The following SLC44A1 variants were observed in gnomAD, a reference collection of about 807,000 sequenced individuals.
The protein encoded by SLC44A1 is choline transporter-like protein 1.
Under a neutral mutation model 79.3 loss-of-function variants are expected in SLC44A1, and 26 were observed. The ratio of observed to expected loss-of-function variants is 0.33; its 90% CI spans 0.24 to 0.46. SLC44A1 has a LOEUF of 0.46. Among genes scored for constraint, SLC44A1 ranks in the 20% least tolerant of loss-of-function variants. The pLI is 1.00. For missense variants in SLC44A1, 688 were observed against 798.1 expected, an observed-to-expected ratio of 0.86 and a Z score of 1.66; for synonymous variants, 263 against 286.2, an observed-to-expected ratio of 0.92 and a Z score of 0.82.
chr9:105,295,425 A>T (rs2131280366), intron 1 of SLC44A1, among the ~76,000 whole-genome samples: 1 of 152,368 alleles, frequency 6.6e-6, no homozygotes, highest in East Asian at 1.9e-4. Flanking sequence ...CACATTTAAA[A>T]AGTGCTGTTG....
chr9:105,407,212 T>G (rs34412410), intron 15 of SLC44A1, among the ~76,000 whole-genome samples: 4,365 of 152,132 alleles, frequency 0.029, 76 homozygotes, highest in African/African-American at 0.051. Flanking sequence ...AGAAAGAATA[T>G]TTGAAGAAAT....
chr9:105,328,870 CCT>C (rs544020499), intron 3 of SLC44A1, among the ~76,000 whole-genome samples: 4 of 152,160 alleles, frequency 2.6e-5, no homozygotes, highest in Non-Finnish European at 5.9e-5. Context: ...AAGGCACACC[CCT>C]GTCAGCAACC....
chr9:105,366,081 A>G (rs1036195002), intron 11 of SLC44A1, among the ~76,000 whole-genome samples: 2 of 151,768 alleles, frequency 1.3e-5, no homozygotes. Flanking sequence ...TGTGTTTGGT[A>G]TTTTTTTTCT....
intron 1 of SLC44A1, among the ~76,000 whole-genome samples, chr9:105,270,485 C>G (rs1364629965): frequency 1.3e-5 from 2 of 152,278 alleles, no homozygotes; most frequent in South Asian, 4.1e-4. Context: ...CTCTACCTTA[C>G]TCTGGCTCTG....
At chr9:105,342,285 C>G (rs1827117722) in intron 4 of SLC44A1, among the ~76,000 whole-genome samples, 1 of 152,154 alleles carries the variant, frequency 6.6e-6, no homozygotes. Flanking sequence ...GGACCTGCCC[C>G]ATCCCACCCA....
At chr9:105,377,277 A>G (rs1828318678) in intron 13 of SLC44A1, among the ~76,000 whole-genome samples, 2 of 152,204 alleles carry the variant, frequency 1.3e-5, no homozygotes, top group Non-Finnish European at 2.9e-5. Context: ...GAGTAAAACT[A>G]CTGGGCTTTA....
At chr9:105,255,952 TTAA>T (rs1423411872) in intron 1 of SLC44A1, among the ~76,000 whole-genome samples, 1 of 152,214 alleles carries the variant, frequency 6.6e-6, no homozygotes, top group Non-Finnish European at 1.5e-5. Flanking sequence ...CTAATAACCA[TTAA>T]TCCTTCCCTT....
chr9:105,245,868 AC>A (rs1166135751), intron 1 of SLC44A1, among the ~76,000 whole-genome samples: 2 of 152,216 alleles, frequency 1.3e-5, no homozygotes, highest in Non-Finnish European at 2.9e-5. Flanking sequence ...ATAGAACTCG[AC>A]TACTGGCCAC....
intron 1 of SLC44A1, among the ~76,000 whole-genome samples, chr9:105,273,293 G>A (rs908388914): frequency 5.3e-5 from 8 of 152,078 alleles, no homozygotes; most frequent in African/African-American, 1.2e-4. Context: ...CGCCCAGCCC[G>A]ATAATTTTTA....
Position 105,389,939 on chromosome 9 carries a change from A to G in SLC44A1, c.*883A>G. The G allele has an allele frequency of 6.6e-7, 1 of 1,513,052 alleles. No homozygotes were observed. Among genetic ancestry groups the G allele is most frequent in the Non-Finnish European group, 8.8e-7 (1 of 1,131,922 alleles). 93.7% of individuals were successfully genotyped at this position (1,513,052 alleles called of 1,614,324 possible). On this transcript the variant is annotated 3_prime_UTR_variant, in exon 16 of 16. Coordinates refer to ENST00000374720, the MANE Select transcript of SLC44A1 (RefSeq NM_080546.5). ...GCTGGGAGGAATAAAGAAGGGACAG[A>G]AACATGGAACATAAAGCATTGAAAA... is the stretch of plus-strand genomic sequence containing the variant.
chr9:105,363,514 G>A (rs891080328), intron 9 of SLC44A1, among the ~76,000 whole-genome samples: 1 of 150,652 alleles, frequency 6.6e-6, no homozygotes, highest in African/African-American at 2.4e-5. Flanking sequence ...ACACAAACTG[G>A]AGTGCAGTGG....
intron 1 of SLC44A1, among the ~76,000 whole-genome samples, chr9:105,296,898 G>C (rs978247338): frequency 6.6e-5 from 10 of 152,098 alleles, no homozygotes. Context: ...TTTTAGAGTT[G>C]GAAGGAACCT....
At chr9:105,410,371 T>G (rs891036685) in intron 15 of SLC44A1, among the ~76,000 whole-genome samples, 1 of 152,142 alleles carries the variant, frequency 6.6e-6, no homozygotes, top group Non-Finnish European at 1.5e-5. Context: ...GAACAACTCT[T>G]ACTACTTAAC....
chr9:105,275,001 A>G (rs1159139747), intron 1 of SLC44A1, among the ~76,000 whole-genome samples: 6 of 152,262 alleles, frequency 3.9e-5, no homozygotes, highest in Admixed American at 3.9e-4. Flanking sequence ...AAATCCACAC[A>G]TGTGGACCCA....
At chr9:105,399,928 G>T (rs892251224), downstream of SLC44A1, among the ~76,000 whole-genome samples, 1 of 152,200 alleles carries the variant, frequency 6.6e-6, no homozygotes, top group Non-Finnish European at 1.5e-5. Flanking sequence ...AGGTGCAGTG[G>T]CTCATGCCTG....
At position 105,366,390 on chromosome 9, in the gene SLC44A1, C is replaced by A; in HGVS notation, c.1455C>A (p.Cys485Ter). The change falls in exon 12 of 16, where the codon TGC becomes TGA. Residue 485 changes from cysteine to a stop codon, truncating the protein, a stop_gained. Coordinates refer to ENST00000374720, the MANE Select transcript of SLC44A1 (RefSeq NM_080546.5). LOFTEE classifies it high-confidence loss of function. ...GTGTGCTGAAATCTTGCATTTGTTG[C>A]CTTTGGTGTCTTGAAAAGTGCCTAA... ...ARCVLKSCIC[C>*]LWCLEKCLNY... 6.5e-7 allele frequency: 1 copy of A among 1,527,438 alleles called. No individual in the cohort carries two copies. Among genetic ancestry groups the A allele is most frequent in the Non-Finnish European group, 8.8e-7 (1 of 1,137,242 alleles). The allele number at this position is 1,527,438 out of a possible 1,614,324, so 94.6% of individuals were successfully genotyped here.
At chr9:105,299,079 A>G in intron 1 of SLC44A1, 141 bp from the exon 2 acceptor site, 4 of 595,996 alleles carry the variant, frequency 6.7e-6, no homozygotes, top group Non-Finnish European at 8.6e-6. Context: ...AAAAGGTGAC[A>G]AATATTTGAG....
intron 15 of SLC44A1, among the ~76,000 whole-genome samples, chr9:105,406,016 C>T (rs1413744034): frequency 6.6e-6 from 1 of 152,144 alleles, no homozygotes; most frequent in Admixed American, 6.6e-5. Context: ...TTCTGGCTAA[C>T]CTTTCGATGC....
chr9:105,368,439 A>C (rs1031940966), intron 12 of SLC44A1, among the ~76,000 whole-genome samples: 1 of 152,190 alleles, frequency 6.6e-6, no homozygotes, highest in African/African-American at 2.4e-5. Context: ...CACACTTGAA[A>C]TGTGGTCAAC....
Sources: allele counts gnomAD v4.1 joint callset (sites outside exome capture counted in the v4.1 genomes callset), GRCh38; gene constraint gnomAD v4.1.1; transcripts MANE v1.5; gene names NCBI Gene and HGNC (gene_info 2026-07-23, HGNC 2026-07-21).